SORCS1: variants seen among roughly 807,000 people sequenced by gnomAD.
SORCS1 encodes sortilin related VPS10 domain containing receptor 1.
Under a neutral mutation model 146.1 loss-of-function variants are expected in SORCS1, and 60 were observed. The ratio of observed to expected loss-of-function variants is 0.41; its 90% CI spans 0.33 to 0.51. SORCS1 has a LOEUF of 0.51. SORCS1 is among the 20% of genes least tolerant of loss of function. The pLI is 0.21. For missense variants in SORCS1, 1,352 were observed against 1,487.6 expected (o/e 0.91, Z 1.50); for synonymous variants, 637 against 584.0 (o/e 1.09, Z -1.31).
intron 10 of SORCS1, among the ~76,000 whole-genome samples, chr10:106,686,775 G>A (rs1224772901): frequency 6.6e-6 from 1 of 152,120 alleles, no homozygotes; most frequent in Non-Finnish European, 1.5e-5. Context: ...AACTAATAAG[G>A]TCAAGCTATG....
intron 17 of SORCS1, among the ~76,000 whole-genome samples, chr10:106,658,613 G>C (rs1850484037): frequency 6.6e-6 from 1 of 152,200 alleles, no homozygotes; most frequent in Admixed American, 6.5e-5. Flanking sequence ...CTTGGGGATG[G>C]AGAAGGGGGC....
At chr10:106,818,148 A>C in intron 3 of SORCS1, among the ~76,000 whole-genome samples, 1 of 152,176 alleles carries the variant, frequency 6.6e-6, no homozygotes, top group East Asian at 1.9e-4. Flanking sequence ...TTAATATTAT[A>C]CCCCTAAATT....
intron 1 of SORCS1, among the ~76,000 whole-genome samples, chr10:107,007,467 A>G (rs146984467): frequency 6.6e-6 from 1 of 152,184 alleles, no homozygotes; most frequent in Admixed American, 6.5e-5. Flanking sequence ...TTTCCAGGCA[A>G]CAGCCAGTAC....
At chr10:106,879,410 G>A (rs1589616383) in intron 2 of SORCS1, among the ~76,000 whole-genome samples, 1 of 152,146 alleles carries the variant, frequency 6.6e-6, no homozygotes, top group African/African-American at 2.4e-5. Context: ...ATTACAGTTA[G>A]GGGATTATTT....
intron 16 of SORCS1, among the ~76,000 whole-genome samples, chr10:106,670,094 C>T (rs902563466): frequency 3.3e-5 from 5 of 152,126 alleles, no homozygotes; most frequent in African/African-American, 7.2e-5. Context: ...ACATATTTAG[C>T]GATTGTGTTT....
At chr10:106,608,795 T>C (rs1014017591) in intron 22 of SORCS1, among the ~76,000 whole-genome samples, 2 of 152,138 alleles carry the variant, frequency 1.3e-5, no homozygotes, top group Non-Finnish European at 2.9e-5. Context: ...GAAACAAACA[T>C]GGACAAGGGA....
At chr10:106,996,935 T>C (rs1008671879) in intron 1 of SORCS1, among the ~76,000 whole-genome samples, 1 of 152,142 alleles carries the variant, frequency 6.6e-6, no homozygotes, top group Non-Finnish European at 1.5e-5. Flanking sequence ...AAGAGAAACA[T>C]ATGGGACTCA....
chr10:106,642,728 A>G (rs915931282), intron 18 of SORCS1, among the ~76,000 whole-genome samples: 1 of 151,590 alleles, frequency 6.6e-6, no homozygotes, highest in Non-Finnish European at 1.5e-5. Context: ...ATTCTTTAGA[A>G]TAGATAAACA....
chr10:107,023,972 G>A (rs188489992), intron 1 of SORCS1, among the ~76,000 whole-genome samples: 239 of 152,112 alleles, frequency 1.6e-3, no homozygotes, highest in Non-Finnish European at 2.6e-3. Flanking sequence ...TCAGGAGTTC[G>A]AGACCAGCCT....
intron 1 of SORCS1, among the ~76,000 whole-genome samples, chr10:107,007,117 C>T (rs1048147125): frequency 2.6e-5 from 4 of 152,092 alleles, no homozygotes; most frequent in African/African-American, 9.7e-5. Flanking sequence ...CCCTGCAATC[C>T]CTGTGTAATC....
At chr10:106,666,228 C>T (rs1851128219) in intron 17 of SORCS1, among the ~76,000 whole-genome samples, 1 of 152,216 alleles carries the variant, frequency 6.6e-6, no homozygotes, top group Admixed American at 6.5e-5. Context: ...GGGCCTCATC[C>T]AATCAGCTGA....
At chr10:107,099,438 T>C (rs1327251360) in intron 1 of SORCS1, among the ~76,000 whole-genome samples, 1 of 152,042 alleles carries the variant, frequency 6.6e-6, no homozygotes, top group Non-Finnish European at 1.5e-5. Flanking sequence ...AAAGGAGTGG[T>C]CTATGTGCTA....
intron 6 of SORCS1, among the ~76,000 whole-genome samples, chr10:106,718,605 T>A (rs540216256): frequency 6.6e-6 from 1 of 152,352 alleles, no homozygotes; most frequent in African/African-American, 2.4e-5. Context: ...AGAACAAAGC[T>A]GCCACAGCAT....
chr10:106,881,819 TC>T (rs1418429709), intron 2 of SORCS1, among the ~76,000 whole-genome samples: 1 of 152,166 alleles, frequency 6.6e-6, no homozygotes, highest in Non-Finnish European at 1.5e-5. Context: ...ATGGTAACAA[TC>T]CCCCTTTGAT....
intron 6 of SORCS1, among the ~76,000 whole-genome samples, chr10:106,723,788 C>T (rs1855949072): frequency 6.6e-6 from 1 of 152,124 alleles, no homozygotes; most frequent in South Asian, 2.1e-4. Context: ...ACACTTGTTG[C>T]TTTGGGAGCA....
intron 1 of SORCS1, among the ~76,000 whole-genome samples, chr10:107,083,183 A>G (rs908372756): frequency 6.6e-6 from 1 of 151,992 alleles, no homozygotes; most frequent in Non-Finnish European, 1.5e-5. Flanking sequence ...ATTATTATCA[A>G]AGGAAAGGTA....
At chr10:107,144,293 T>G (rs1027051806) in intron 1 of SORCS1, among the ~76,000 whole-genome samples, 4 of 152,208 alleles carry the variant, frequency 2.6e-5, no homozygotes, top group Admixed American at 1.3e-4. Flanking sequence ...TTTGAACTAC[T>G]TGAGAGGAGG....
At chr10:107,152,917 A>G (rs980500752) in intron 1 of SORCS1, among the ~76,000 whole-genome samples, 1 of 151,884 alleles carries the variant, frequency 6.6e-6, no homozygotes, top group Non-Finnish European at 1.5e-5. Flanking sequence ...GTCTCCCAAT[A>G]TGACTTTCTT....
chr10:106,843,728 C>A (rs1324703806), intron 2 of SORCS1, among the ~76,000 whole-genome samples: 1 of 152,176 alleles, frequency 6.6e-6, no homozygotes, highest in Non-Finnish European at 1.5e-5. Context: ...AGCCACTGCA[C>A]CCAGACAAGA....
Sources: allele counts gnomAD v4.1 joint callset (sites outside exome capture counted in the v4.1 genomes callset), GRCh38; gene constraint gnomAD v4.1.1; transcripts MANE v1.5; gene names NCBI Gene and HGNC (gene_info 2026-07-23, HGNC 2026-07-21).